Variants in PCLO observed in about 807,000 individuals in gnomAD.
The protein encoded by PCLO is protein piccolo.
PCLO carries 82 observed loss-of-function variants against 427.5 expected under a neutral mutation model. That is an observed-to-expected ratio of 0.19 (90% CI 0.16 to 0.23). The LOEUF is 0.23. Ranked by LOEUF, PCLO falls within the 10% of genes least tolerant of loss-of-function variation. The probability of loss-of-function intolerance (pLI) is 1.00; values close to 1 mark genes in which losing one functional copy is unlikely to be tolerated. For missense variants in PCLO, 6,239 were observed against 6,115.9 expected (o/e 1.02, Z -0.67); for synonymous variants, 2,357 against 2,155.4 (o/e 1.09, Z -2.59).
chr7:82,815,935 A>G (rs1440907926), intron 20 of PCLO, among the ~76,000 whole-genome samples: 1 of 152,150 alleles, frequency 6.6e-6, no homozygotes, highest in Non-Finnish European at 1.5e-5. Context: ...TCCTATTCAC[A>G]CATCTACCAA....
chr7:82,936,968 T>C lies in PCLO; in HGVS notation c.11112+12508A>G, dbSNP rs563691462. ...GTAAATCCATACAGACAAAAACACA[T>C]TGGTAGTTGTCAGAGGCTAAGCGGG... On this transcript the variant is annotated intron_variant, in intron 6 of 24. Transcript: ENST00000333891. 4.6e-5 allele frequency among the ~76,000 whole-genome samples: 7 copies of C among 151,732 alleles called. No homozygotes were observed. The East Asian group carries it at 7.7e-4, about 17-fold the overall frequency.
At chr7:82,762,684 A>T (rs1454274771) in intron 22 of PCLO, among the ~76,000 whole-genome samples, 1 of 152,142 alleles carries the variant, frequency 6.6e-6, no homozygotes, top group Non-Finnish European at 1.5e-5. Context: ...TTTAAAGAAC[A>T]TAATCATATT....
Position 82,953,387 on chromosome 7 carries a change from AGTT to A in PCLO, c.7563_7565del (p.Thr2523del). ...GGTGTATATCTGTTGGTTTTTGTGT[AGTT>A]GTTGGAAGCTGAGGAATCACTGGTT... On this transcript the variant is annotated inframe_deletion, in exon 5 of 25. Coordinates refer to ENST00000333891, the MANE Select transcript of PCLO (RefSeq NM_033026.6). 2 of 1,613,566 alleles carry A rather than the reference AGTT, an allele frequency of 1.2e-6. No individual in the cohort carries two copies. Among genetic ancestry groups the A allele is most frequent in the Non-Finnish European group, 8.5e-7 (1 of 1,179,800 alleles).
chr7:82,847,904 G>C (rs1584042728), intron 10 of PCLO, among the ~76,000 whole-genome samples: 1 of 152,126 alleles, frequency 6.6e-6, no homozygotes, highest in Admixed American at 6.6e-5. Flanking sequence ...ATGCTCTGCT[G>C]TTGTCATCTT....
chr7:82,957,775 A>C (rs1795561454), intron 4 of PCLO, among the ~76,000 whole-genome samples: 2 of 152,164 alleles, frequency 1.3e-5, no homozygotes, highest in Non-Finnish European at 2.9e-5. Context: ...CTGATTTTGA[A>C]ATCTTGTTTT....
At position 82,953,878 on chromosome 7, in the gene PCLO, T is replaced by C. The variant is rs1795433437; in HGVS notation, c.7075A>G (p.Thr2359Ala). Residue 2359 changes from threonine (T) to alanine (A), a missense_variant, in exon 5 of 25, where the codon ACA becomes GCA. By Grantham distance (58) the Thr-to-Ala change is moderately conservative (BLOSUM62 0). Around this residue, in one of 5 missense-constraint regions of PCLO, gnomAD observed 4,677 missense variants for 4,468.4 expected, o/e 1.05. Transcript: ENST00000333891. ...ALPMKEQLST[T>A]YFTSGETFGQ... is the part of the protein sequence containing the mutation. ...AAGGTCTCTCCAGATGTAAAGTATG[T>C]AGTTGAAAGCTGCTCTTTCATTGGA... The C allele has an allele frequency of 6.2e-7, 1 of 1,613,694 alleles. No individual in the cohort carries two copies. Among genetic ancestry groups the C allele is most frequent in the South Asian group, 1.1e-5 (1 of 91,076 alleles).
intron 20 of PCLO, chr7:82,820,521 G>T (rs1458150281): frequency 2.5e-6 from 3 of 1,222,740 alleles, no homozygotes; most frequent in Non-Finnish European, 3.1e-6. Flanking sequence ...ACAGGCACTT[G>T]GAGATTCACA....
chr7:82,779,818 C>T (rs932788142), intron 22 of PCLO, among the ~76,000 whole-genome samples: 1 of 131,736 alleles, frequency 7.6e-6, no homozygotes, highest in African/African-American at 2.8e-5. Flanking sequence ...TTTTATTATT[C>T]GTTTTCATCA....
chr7:82,945,762 T>C (rs536380151), intron 6 of PCLO, among the ~76,000 whole-genome samples: 1 of 152,076 alleles, frequency 6.6e-6, no homozygotes, highest in Non-Finnish European at 1.5e-5. Context: ...AAAAGAGTAA[T>C]GAATAAGGTA....
At chr7:82,844,582 A>G (rs1322707940) in intron 13 of PCLO, among the ~76,000 whole-genome samples, 1 of 152,154 alleles carries the variant, frequency 6.6e-6, no homozygotes, top group Non-Finnish European at 1.5e-5. Flanking sequence ...ATTTTTAAAC[A>G]AAAGGACACT....
In PCLO at chr7:82,954,925, G is replaced by T. The variant is rs960623317; in HGVS notation, c.6028C>A (p.Leu2010Ile). 4 of 1,613,496 alleles carry T rather than the reference G, an allele frequency of 2.5e-6. No homozygotes were observed. The highest frequency in any genetic ancestry group is 1.7e-5 in the Admixed American group (1 of 59,936). Residue 2010 changes from leucine (L) to isoleucine (I), a missense_variant, in exon 5 of 25, where the codon CTC becomes ATC. Coordinates refer to ENST00000333891, the MANE Select transcript of PCLO (RefSeq NM_033026.6). ...YEDPMQKITD[L>I]QKEFYELESL... The stretch of plus-strand genomic sequence containing the variant: ...TCTAACTCATAAAACTCTTTCTGGA[G>T]GTCTGTAATTTTCTGCATAGGATCT...
chr7:83,153,375 AG>A (rs1792186473), intron 2 of PCLO, among the ~76,000 whole-genome samples: 1 of 152,126 alleles, frequency 6.6e-6, no homozygotes, highest in South Asian at 2.1e-4. Context: ...AAAAAAGTAA[AG>A]GTTACTTTAG....
At chr7:83,137,462 G>A (rs1478662907) in intron 2 of PCLO, among the ~76,000 whole-genome samples, 6 of 152,172 alleles carry the variant, frequency 3.9e-5, no homozygotes, top group South Asian at 2.1e-4. Context: ...ATGGAGTCTC[G>A]CTCTGTCGCC....
chr7:83,106,882 TTC>T (rs1210803224), intron 3 of PCLO, among the ~76,000 whole-genome samples: 2 of 152,098 alleles, frequency 1.3e-5, no homozygotes, highest in East Asian at 1.9e-4. Context: ...CATTCAAAAA[TTC>T]TGAGTCATCT....
chr7:82,974,638 G>A (rs1473274271), intron 3 of PCLO, among the ~76,000 whole-genome samples: 1 of 152,090 alleles, frequency 6.6e-6, no homozygotes, highest in Non-Finnish European at 1.5e-5. Flanking sequence ...AGCTATTTAT[G>A]TATTATAAGT....
intron 3 of PCLO, among the ~76,000 whole-genome samples, chr7:83,127,773 G>A (rs1791474690): frequency 6.6e-6 from 1 of 152,040 alleles, no homozygotes; most frequent in African/African-American, 2.4e-5. Context: ...TGGAACCAGA[G>A]AGGTCAGCAG....
chr7:83,107,718 C>T (rs563478990), intron 3 of PCLO, among the ~76,000 whole-genome samples: 387 of 23,288 alleles, frequency 0.017, 5 homozygotes, highest in Middle Eastern at 0.073. Flanking sequence ...AGAATATGTG[C>T]GGTGGCTCAC....
chr7:82,906,804 G>T (rs1370956573), intron 8 of PCLO, among the ~76,000 whole-genome samples: 1 of 151,714 alleles, frequency 6.6e-6, no homozygotes, highest in African/African-American at 2.4e-5. Context: ...TTTTTTGTTT[G>T]TATGTTAGAT....
chr7:82,835,676 T>G lies in PCLO; in HGVS notation c.14240A>C (p.Gln4747Pro). 2 of 1,609,730 alleles carry G rather than the reference T, an allele frequency of 1.2e-6. No individual in the cohort carries two copies. The highest frequency in any genetic ancestry group is 1.7e-6 in the Non-Finnish European group (2 of 1,177,708). Residue 4747 changes from glutamine to proline, a missense_variant, in exon 16 of 25, where the codon CAG becomes CCG. Physicochemically the swap from Gln to Pro is moderately conservative, Grantham distance 76. Coordinates refer to ENST00000333891, the MANE Select transcript of PCLO (RefSeq NM_033026.6). ...AGAGAAACAACTCTACCTTGCATTC[T>G]GGACAACCATGACTTGACTGCATTG... is the stretch of plus-strand genomic sequence containing the variant. ...LPGRGQVMVVQNASAEYKRRT... is the reference protein window; with the variant it reads ...LPGRGQVMVVPNASAEYKRRT...
Sources: allele counts gnomAD v4.1 joint callset (sites outside exome capture counted in the v4.1 genomes callset), GRCh38; gene constraint gnomAD v4.1.1; regional missense constraint gnomAD v4.1.1; transcripts MANE v1.5; gene names NCBI Gene and HGNC (gene_info 2026-07-23, HGNC 2026-07-21).